OLFM3: variants seen among roughly 807,000 people sequenced by gnomAD.
OLFM3 encodes the protein olfactomedin 3.
In OLFM3, 20 loss-of-function variants were observed where a neutral mutation model predicts 48.6. The ratio of observed to expected loss-of-function variants is 0.41; its 90% confidence interval spans 0.29 to 0.60. The LOEUF (loss-of-function observed/expected upper bound fraction) is 0.60, where lower values mean the gene tolerates loss of function less well. Among genes scored for constraint, OLFM3 ranks in the 20% least tolerant of loss-of-function variants. The probability of loss-of-function intolerance (pLI) is 0.28; values close to 1 mark genes in which losing one functional copy is unlikely to be tolerated. For missense variants in OLFM3, 437 were observed against 544.3 expected, an observed-to-expected ratio of 0.80 and a Z score of 1.96; for synonymous variants, 222 against 198.1, an observed-to-expected ratio of 1.12 and a Z score of -1.01.
intron 4 of OLFM3, among the ~76,000 whole-genome samples, chr1:101,819,869 A>G (rs1344381456): frequency 4.6e-5 from 7 of 152,052 alleles, no homozygotes; most frequent in African/African-American, 1.7e-4. Context: ...TGAAGTTGAT[A>G]CTAATGCCTA....
chr1:101,933,805 A>G (rs928435942), intron 1 of OLFM3, among the ~76,000 whole-genome samples: 1 of 152,206 alleles, frequency 6.6e-6, no homozygotes, highest in Non-Finnish European at 1.5e-5. Flanking sequence ...CTGGGGGCCT[A>G]TATACAGCAT....
Position 101,822,924 on chromosome 1 carries a change from C to T in OLFM3, c.592+2102G>A, listed in dbSNP as rs150333002. ...GCTATGTTAAATAAATAACTTTTCC[C>T]TTGCTTAGTCTTATCATGCCCTGCC... On this transcript the variant is annotated intron_variant, in intron 4 of 5. Transcript: ENST00000370103. Among the ~76,000 whole-genome samples, 519 of 151,576 alleles carry T rather than the reference C, an allele frequency of 3.4e-3. 1 individual carries two copies. Among genetic ancestry groups the T allele is most frequent in the African/African-American group, 0.012 (510 of 41,478 alleles).
At chr1:101,954,811 A>T (rs1660241155) in intron 1 of OLFM3, among the ~76,000 whole-genome samples, 1 of 152,116 alleles carries the variant, frequency 6.6e-6, no homozygotes, top group African/African-American at 2.4e-5. Context: ...TTGTGCTAAT[A>T]AGTGACATTT....
intron 1 of OLFM3, among the ~76,000 whole-genome samples, chr1:101,890,576 G>A (rs543856598): frequency 6.6e-6 from 1 of 152,072 alleles, no homozygotes; most frequent in Admixed American, 6.6e-5. Flanking sequence ...GGAATTTTGT[G>A]AATTCTTTAA....
At chr1:101,946,163 A>G (rs1162784803) in intron 1 of OLFM3, among the ~76,000 whole-genome samples, 2 of 150,920 alleles carry the variant, frequency 1.3e-5, no homozygotes, top group Admixed American at 1.3e-4. Context: ...GGTAAAAGAG[A>G]AAAGCAGTGT....
At chr1:101,957,417 G>GA (rs760520330) in intron 1 of OLFM3, among the ~76,000 whole-genome samples, 17 of 151,870 alleles carry the variant, frequency 1.1e-4, no homozygotes, top group Non-Finnish European at 2.4e-4. Context: ...TGGTGTTTTG[G>GA]ATTAGGATGG....
Position 101,802,819 on chromosome 1 carries a change from AC to A in OLFM3, c.*1418del, listed in dbSNP as rs1443597071. On this transcript the variant is annotated 3_prime_UTR_variant, in exon 6 of 6. Coordinates refer to ENST00000370103, the MANE Select transcript of OLFM3 (RefSeq NM_058170.4). Reference sequence around the variant, plus strand: ...ATATACTTTTTAAATTGTAAAACCAACCTATATTAGTTTCCATAAAGCTGCC... The same window carrying A: ...ATATACTTTTTAAATTGTAAAACCAACTATATTAGTTTCCATAAAGCTGCC... 1 of 151,614 alleles carries A rather than the reference AC, an allele frequency of 6.6e-6. No individual in the cohort carries two copies. Among genetic ancestry groups the A allele is most frequent in the East Asian group, 1.9e-4 (1 of 5,154 alleles). The allele number at this position is 151,614 out of a possible 1,614,324, so 9.4% of individuals were successfully genotyped here.
chr1:101,934,318 G>C (rs1659545666), intron 1 of OLFM3, among the ~76,000 whole-genome samples: 1 of 152,144 alleles, frequency 6.6e-6, no homozygotes. Context: ...AACATGGGTT[G>C]CTATTCTAAC....
chr1:101,894,309 A>G (rs1362463357), intron 1 of OLFM3, among the ~76,000 whole-genome samples: 1 of 152,198 alleles, frequency 6.6e-6, no homozygotes, highest in African/African-American at 2.4e-5. Flanking sequence ...AAGGTATAAC[A>G]CAGAGAACCA....
intron 1 of OLFM3, among the ~76,000 whole-genome samples, chr1:101,931,386 G>GT (rs1231781341): frequency 6.6e-6 from 1 of 152,086 alleles, no homozygotes; most frequent in Non-Finnish European, 1.5e-5. Flanking sequence ...ATAAATGCTG[G>GT]TGACACTTTC....
At chr1:101,956,333 C>T (rs889189573) in intron 1 of OLFM3, among the ~76,000 whole-genome samples, 2 of 151,734 alleles carry the variant, frequency 1.3e-5, no homozygotes, top group Admixed American at 1.3e-4. Flanking sequence ...CCAGTCTCAT[C>T]TCTTATTATT....
intron 3 of OLFM3, among the ~76,000 whole-genome samples, chr1:101,826,081 G>A (rs6659351): frequency 0.16 from 23,874 of 151,236 alleles, 2,135 homozygotes; most frequent in East Asian, 0.27. Flanking sequence ...TGTAATAGAT[G>A]AGCCAGTTAC....
intron 1 of OLFM3, among the ~76,000 whole-genome samples, chr1:101,850,850 G>A (rs1166664313): frequency 1.3e-5 from 2 of 152,002 alleles, no homozygotes; most frequent in Non-Finnish European, 2.9e-5. Flanking sequence ...AGGCAGAGGG[G>A]AAAGTGGCTT....
At chr1:101,923,980 T>C (rs1336803) in intron 1 of OLFM3, among the ~76,000 whole-genome samples, 20,162 of 152,130 alleles carry the variant, frequency 0.13, 1,658 homozygotes, top group East Asian at 0.25. Flanking sequence ...AAATTTCTGA[T>C]CCACATTTGA....
chr1:101,826,170 A>T (rs1654856526), intron 3 of OLFM3, among the ~76,000 whole-genome samples: 1 of 150,308 alleles, frequency 6.7e-6, no homozygotes, highest in South Asian at 2.1e-4. Context: ...ACACACACAC[A>T]CACACAGTGT....
chr1:101,840,089 GA>G (rs1341186622), intron 1 of OLFM3, among the ~76,000 whole-genome samples: 3 of 152,100 alleles, frequency 2.0e-5, no homozygotes, highest in African/African-American at 7.2e-5. Flanking sequence ...TGCTGGCATT[GA>G]AAAGAGAATC....
chr1:101,911,791 A>G (rs1658768029), intron 1 of OLFM3, among the ~76,000 whole-genome samples: 1 of 152,250 alleles, frequency 6.6e-6, no homozygotes, highest in African/African-American at 2.4e-5. Context: ...AAGAAGGAAG[A>G]TTATTAATTT....
At chr1:101,940,424 A>AT (rs1455126788) in intron 1 of OLFM3, among the ~76,000 whole-genome samples, 1 of 147,422 alleles carries the variant, frequency 6.8e-6, no homozygotes, top group Non-Finnish European at 1.5e-5. Context: ...CTAGGCCTTG[A>AT]TTTTTTAAAA....
At chr1:101,877,119 T>A (rs1352146340) in intron 1 of OLFM3, among the ~76,000 whole-genome samples, 5 of 150,130 alleles carry the variant, frequency 3.3e-5, no homozygotes, top group African/African-American at 1.2e-4. Flanking sequence ...AAATATGCTG[T>A]AAAATATTCA....
Sources: gnomAD v4.1 joint callset for allele counts (sites outside exome capture counted in the v4.1 genomes callset) on GRCh38, gnomAD v4.1.1 for gene constraint, MANE v1.5 for transcripts, NCBI Gene and HGNC (gene_info 2026-07-23, HGNC 2026-07-21) for gene names.